Variants in LAPTM4B observed in about 807,000 individuals in gnomAD.
The protein encoded by LAPTM4B is lysosomal-associated transmembrane protein 4B.
In LAPTM4B, 26 loss-of-function variants were observed where a neutral mutation model predicts 28.5. The observed-to-expected ratio is 0.91, with a 90% CI of 0.67 to 1.27. LAPTM4B has a LOEUF of 1.27. LAPTM4B is among the 50% of genes most tolerant of loss of function. LAPTM4B has a pLI of 0.00. For synonymous variants in LAPTM4B, 109 were observed against 106.4 expected (o/e 1.02, Z -0.15); for missense variants, 288 against 285.8 (o/e 1.01, Z -0.06).
At chr8:97,776,781 C>T (rs1381724657) in intron 1 of LAPTM4B, among the ~76,000 whole-genome samples, 1 of 152,120 alleles carries the variant, frequency 6.6e-6, no homozygotes, top group Admixed American at 6.6e-5. Flanking sequence ...CCATTTTCCA[C>T]CCACATTTTT....
At chr8:97,845,862 C>G (rs1295801462) in intron 6 of LAPTM4B, among the ~76,000 whole-genome samples, 7 of 57,642 alleles carry the variant, frequency 1.2e-4, no homozygotes, top group Admixed American at 4.4e-4. Context: ...TTTTCCCCCC[C>G]CTTCCACTCC....
At position 97,851,711 on chromosome 8, in the gene LAPTM4B, C is replaced by G. The variant is rs1027038891; in HGVS notation, c.*237C>G. 3 of 539,526 alleles carry G rather than the reference C, an allele frequency of 5.6e-6. No individual in the cohort carries two copies. The highest frequency in any genetic ancestry group is 6.5e-5 in the Admixed American group (2 of 30,746). The allele number at this position is 539,526 out of a possible 1,614,324, so 33.4% of individuals were successfully genotyped here. ...ACGATTGGGGATATAATGGGCTTCA[C>G]TAACCTTCCCTAGGCATTGAAACTT... On this transcript the variant is annotated 3_prime_UTR_variant, in exon 7 of 7. Transcript: ENST00000521545.
At chr8:97,797,032 G>A (rs987633896) in intron 1 of LAPTM4B, among the ~76,000 whole-genome samples, 2 of 152,130 alleles carry the variant, frequency 1.3e-5, no homozygotes, top group African/African-American at 4.8e-5. Flanking sequence ...GGAGGCTTCT[G>A]TGGGAGCATC....
chr8:97,807,341 G>A (rs1057357955), intron 2 of LAPTM4B, among the ~76,000 whole-genome samples: 2 of 152,068 alleles, frequency 1.3e-5, no homozygotes, highest in African/African-American at 4.8e-5. Flanking sequence ...CTGGGAGGGT[G>A]GTGGGGATCA....
intron 6 of LAPTM4B, among the ~76,000 whole-genome samples, chr8:97,842,451 A>G (rs1817364480): frequency 6.6e-6 from 1 of 152,122 alleles, no homozygotes; most frequent in East Asian, 1.9e-4. Context: ...GATAGATCTG[A>G]ATTGAACTAT....
At chr8:97,839,035 C>G (rs1025598546) in intron 6 of LAPTM4B, among the ~76,000 whole-genome samples, 10 of 152,194 alleles carry the variant, frequency 6.6e-5, no homozygotes, top group African/African-American at 2.4e-4. Context: ...GTTCCAATAT[C>G]AAAGCATCAT....
At chr8:97,782,160 A>T (rs531032634) in intron 1 of LAPTM4B, among the ~76,000 whole-genome samples, 1 of 148,124 alleles carries the variant, frequency 6.8e-6, no homozygotes, top group Admixed American at 6.8e-5. Context: ...TTGTATTTTT[A>T]GTAGATAACA....
chr8:97,828,649 C>T (rs778468683), intron 6 of LAPTM4B, among the ~76,000 whole-genome samples: 2 of 152,204 alleles, frequency 1.3e-5, no homozygotes, highest in Non-Finnish European at 2.9e-5. Flanking sequence ...GCAGAGTCCT[C>T]CTTTTTCAGC....
chr8:97,781,740 G>A (rs1816323716), intron 1 of LAPTM4B, among the ~76,000 whole-genome samples: 1 of 152,116 alleles, frequency 6.6e-6, no homozygotes, highest in Non-Finnish European at 1.5e-5. Flanking sequence ...GCTTATTCAT[G>A]TAAAATGGAA....
intron 2 of LAPTM4B, among the ~76,000 whole-genome samples, chr8:97,805,821 A>G (rs1216443330): frequency 6.6e-6 from 1 of 152,036 alleles, no homozygotes; most frequent in African/African-American, 2.4e-5. Context: ...ATTTATTTTT[A>G]TTCTAGGAGT....
At chr8:97,824,989 A>G in intron 5 of LAPTM4B, 69 bp from the exon 6 acceptor site, 1 of 841,580 alleles carries the variant, frequency 1.2e-6, no homozygotes, top group Non-Finnish European at 2.1e-6. Context: ...ATATGGCTTT[A>G]TCTGTGTGGT....
Position 97,775,996 on chromosome 8 carries a change from C to G in LAPTM4B, c.-14C>G. ...AAAACTTGCGCGCGCGCTCGCGCCA[C>G]TGCGCCCGGAGCGATGAAGATGGTC... On this transcript the variant is annotated 5_prime_UTR_variant, in exon 1 of 7. Transcript: ENST00000521545. 6.4e-7 allele frequency: 1 copy of G among 1,568,056 alleles called. No homozygotes were observed. The highest frequency in any genetic ancestry group is 8.6e-7 in the Non-Finnish European group (1 of 1,163,498).
chr8:97,803,110 A>G (rs542018309), intron 1 of LAPTM4B, among the ~76,000 whole-genome samples: 2 of 151,614 alleles, frequency 1.3e-5, no homozygotes, highest in Non-Finnish European at 2.9e-5. Context: ...GAGGCAGGAG[A>G]ATCGCTTGAA....
intron 1 of LAPTM4B, among the ~76,000 whole-genome samples, chr8:97,797,523 A>G (rs1816609959): frequency 6.6e-6 from 1 of 152,196 alleles, no homozygotes; most frequent in Non-Finnish European, 1.5e-5. Context: ...TAAGATTTTA[A>G]TGCTTGTATA....
intron 6 of LAPTM4B, among the ~76,000 whole-genome samples, chr8:97,847,248 G>C (rs6997947): frequency 1 from 152,229 of 152,372 alleles, 76,047 homozygotes; most frequent in Middle Eastern, 1. Flanking sequence ...AAACCAACTG[G>C]AAGAAACTGA....
At chr8:97,825,608 T>A (rs1817079804) in intron 6 of LAPTM4B, among the ~76,000 whole-genome samples, 1 of 152,242 alleles carries the variant, frequency 6.6e-6, no homozygotes, top group African/African-American at 2.4e-5. Flanking sequence ...CTTATGTATG[T>A]ATTCTTAGTA....
At chr8:97,790,366 C>T (rs1188497408) in intron 1 of LAPTM4B, among the ~76,000 whole-genome samples, 1 of 150,846 alleles carries the variant, frequency 6.6e-6, no homozygotes, top group Non-Finnish European at 1.5e-5. Flanking sequence ...GGCTGGAGTA[C>T]AGTGGCGTGA....
chr8:97,809,537 C>T (rs9693844), intron 2 of LAPTM4B, among the ~76,000 whole-genome samples: 68,538 of 151,666 alleles, frequency 0.45, 15,941 homozygotes, highest in East Asian at 0.57. Context: ...CTGTCTCAAC[C>T]AAAAATATAA....
intron 6 of LAPTM4B, among the ~76,000 whole-genome samples, chr8:97,845,503 G>A (rs777517445): frequency 2.0e-5 from 3 of 151,914 alleles, no homozygotes; most frequent in Admixed American, 6.6e-5. Context: ...TCCTCACCCC[G>A]TTCCAGGCCA....
Sources: allele counts gnomAD v4.1 joint callset (sites outside exome capture counted in the v4.1 genomes callset), GRCh38; gene constraint gnomAD v4.1.1; transcripts MANE v1.5; gene names NCBI Gene and HGNC (gene_info 2026-07-23, HGNC 2026-07-21).